The following SCN2A variants were observed in gnomAD, a reference collection of about 807,000 sequenced individuals.
SCN2A encodes sodium channel protein type 2 subunit alpha.
SCN2A carries 20 observed loss-of-function variants against 188.7 expected under a neutral mutation model. The ratio of observed to expected loss-of-function variants is 0.11; its 90% CI spans 0.07 to 0.15. SCN2A has a LOEUF of 0.15. SCN2A is among the 10% of genes least tolerant of loss of function. SCN2A has a pLI of 1.00. For synonymous variants in SCN2A, 804 were observed against 833.1 expected (o/e 0.97, Z 0.60); for missense variants, 1,278 against 2,445.0 (o/e 0.52, Z 10.07).
intron 25 of SCN2A, among the ~76,000 whole-genome samples, chr2:165,382,062 A>G (rs553378135): frequency 3.7e-4 from 56 of 152,220 alleles, no homozygotes; most frequent in Admixed American, 8.5e-4. Flanking sequence ...AGGGTGTACA[A>G]CTTGAGCCTA....
chr2:165,249,423 C>A (rs976175109), intron 1 of SCN2A, among the ~76,000 whole-genome samples: 9 of 151,942 alleles, frequency 5.9e-5, no homozygotes, highest in African/African-American at 2.2e-4. Context: ...TCTCTAGTGA[C>A]CATATCACAG....
At chr2:165,292,171 A>G (rs12619604) in intron 1 of SCN2A, among the ~76,000 whole-genome samples, 35,704 of 152,116 alleles carry the variant, frequency 0.23, 4,487 homozygotes, top group East Asian at 0.36. Context: ...CAAACCATGA[A>G]CCAATAAACT....
intron 16 of SCN2A, among the ~76,000 whole-genome samples, 187 bp from the exon 17 acceptor site, chr2:165,354,005 A>G (rs1700061182): frequency 6.6e-6 from 1 of 152,258 alleles, no homozygotes; most frequent in Non-Finnish European, 1.5e-5. Flanking sequence ...TAGTGATAAT[A>G]GTATTATTTT....
At chr2:165,242,163 T>C (rs1005164122) in intron 1 of SCN2A, among the ~76,000 whole-genome samples, 9 of 152,180 alleles carry the variant, frequency 5.9e-5, no homozygotes, top group African/African-American at 1.9e-4. Flanking sequence ...GAACATGTTA[T>C]ATCCATGTAT....
At chr2:165,343,712 G>A (rs1474676815) in intron 15 of SCN2A, among the ~76,000 whole-genome samples, 1 of 152,184 alleles carries the variant, frequency 6.6e-6, no homozygotes, top group Admixed American at 6.5e-5. Context: ...GAACTCTAAA[G>A]CTAATACAAC....
intron 17 of SCN2A, among the ~76,000 whole-genome samples, chr2:165,360,100 A>T (rs1047427548): frequency 2.6e-5 from 4 of 151,980 alleles, no homozygotes; most frequent in African/African-American, 9.6e-5. Context: ...TTTTTTAATT[A>T]AATTAAATTA....
At chr2:165,281,950 G>T (rs1158533323) in intron 1 of SCN2A, among the ~76,000 whole-genome samples, 1 of 152,134 alleles carries the variant, frequency 6.6e-6, no homozygotes, top group Non-Finnish European at 1.5e-5. Context: ...TTCCTGCTGT[G>T]GATAGGTTCA....
chr2:165,259,059 A>C (rs1362124052), intron 1 of SCN2A, among the ~76,000 whole-genome samples: 2 of 152,220 alleles, frequency 1.3e-5, no homozygotes, highest in African/African-American at 4.8e-5. Context: ...ACAAACCTTC[A>C]CATGTACCTC....
chr2:165,266,807 A>T (rs1178932216), intron 1 of SCN2A: 1 of 152,110 alleles, frequency 6.6e-6, no homozygotes, highest in African/African-American at 2.4e-5. Context: ...ACTAATAAAT[A>T]AATTCAGTAA....
At chr2:165,303,279 T>TTTTTTTTG (rs1696926970) in intron 3 of SCN2A, among the ~76,000 whole-genome samples, 1 of 140,758 alleles carries the variant, frequency 7.1e-6, no homozygotes, top group Non-Finnish European at 1.5e-5. Flanking sequence ...AGTTTTTTTT[T>TTTTTTTTG]TTTTTTTTTT....
At chr2:165,289,559 C>T (rs1696005487) in intron 1 of SCN2A, among the ~76,000 whole-genome samples, 1 of 151,954 alleles carries the variant, frequency 6.6e-6, no homozygotes, top group African/African-American at 2.4e-5. Context: ...AATTTAAAAC[C>T]TTCACGTAAT....
intron 1 of SCN2A, among the ~76,000 whole-genome samples, chr2:165,291,328 GC>G (rs1696100081): frequency 6.6e-6 from 1 of 150,886 alleles, no homozygotes; most frequent in Admixed American, 6.6e-5. Context: ...ACAGGCATGA[GC>G]CACCGGGACT....
At chr2:165,326,561 A>G (rs921131699) in intron 12 of SCN2A, among the ~76,000 whole-genome samples, 10 of 152,204 alleles carry the variant, frequency 6.6e-5, no homozygotes, top group Non-Finnish European at 1.5e-4. Context: ...GATTGGCTGA[A>G]ATGCTAAAAG....
intron 14 of SCN2A, among the ~76,000 whole-genome samples, chr2:165,340,625 T>A (rs1347937009): frequency 6.6e-6 from 1 of 152,114 alleles, no homozygotes; most frequent in Non-Finnish European, 1.5e-5. Flanking sequence ...TTTTGAAATA[T>A]GAACTATTAT....
chr2:165,365,760 G>T (rs1352606952), intron 18 of SCN2A, among the ~76,000 whole-genome samples: 2 of 151,970 alleles, frequency 1.3e-5, no homozygotes, highest in African/African-American at 2.4e-5. Context: ...TTCAGTCAAG[G>T]TCAAATATTT....
intron 11 of SCN2A, among the ~76,000 whole-genome samples, chr2:165,321,726 T>G (rs1267050712): frequency 6.6e-6 from 1 of 152,150 alleles, no homozygotes; most frequent in South Asian, 2.1e-4. Context: ...TGGAGAAAAC[T>G]GCCACTATGA....
chr2:165,289,034 G>T (rs1375949140), intron 1 of SCN2A, among the ~76,000 whole-genome samples: 1 of 151,862 alleles, frequency 6.6e-6, no homozygotes, highest in African/African-American at 2.4e-5. Context: ...TAATTCTTGG[G>T]CACAAAATTT....
intron 21 of SCN2A, among the ~76,000 whole-genome samples, chr2:165,374,113 G>A (rs1459538445): frequency 6.6e-6 from 1 of 152,112 alleles, no homozygotes; most frequent in East Asian, 1.9e-4. Flanking sequence ...GAGATGAATG[G>A]TGTGTGTAGA....
chr2:165,377,583 G>T lies in SCN2A; in HGVS notation c.4255-14G>T. ...ATTTTGGGAAAAAAGAAAATGATAT[G>T]ACTTTTCTTACAGGCCACGTTTAAG... On this transcript the variant is annotated splice_polypyrimidine_tract_variant and intron_variant, in intron 22 of 26. Coordinates refer to ENST00000375437, the MANE Select transcript of SCN2A (RefSeq NM_001040142.2). 6.3e-7 allele frequency: 1 copy of T among 1,598,208 alleles called. No homozygotes were observed. The highest frequency in any genetic ancestry group is 1.1e-5 in the South Asian group (1 of 88,644).
Sources: allele counts gnomAD v4.1 joint callset (sites outside exome capture counted in the v4.1 genomes callset), GRCh38; gene constraint gnomAD v4.1.1; transcripts MANE v1.5; gene names NCBI Gene and HGNC (gene_info 2026-07-23, HGNC 2026-07-21).